The following PCDHGA6 variants were observed in gnomAD, a reference collection of about 807,000 sequenced individuals.
The protein encoded by PCDHGA6 is protocadherin gamma subfamily A, 6.
A neutral mutation model predicts 60.6 loss-of-function variants in PCDHGA6; 41 were observed. That is an observed-to-expected ratio of 0.68 (90% CI 0.53 to 0.88). The LOEUF (loss-of-function observed/expected upper bound fraction) is 0.88, where lower values mean the gene tolerates loss of function less well. Among genes scored for constraint, PCDHGA6 ranks in the 40% least tolerant of loss-of-function variants. The probability of loss-of-function intolerance (pLI) is 0.00; values close to 1 mark genes in which losing one functional copy is unlikely to be tolerated. For missense variants in PCDHGA6, 1,312 were observed against 1,203.0 expected, an observed-to-expected ratio of 1.09 and a Z score of -1.34; for synonymous variants, 594 against 524.4, an observed-to-expected ratio of 1.13 and a Z score of -1.81.
rs994324285 is a variant in PCDHGA6 at position 141,455,094 on chromosome 5, G to A, written c.2425-39713G>A. Among the ~76,000 whole-genome samples the A allele has an allele frequency of 3.3e-5, 5 of 152,104 alleles. No individual in the cohort carries two copies. In the Middle Eastern group the frequency reaches 0.014, roughly 414 times the overall value. ...CCCAAAGTGCTGGGATTACAGGCTT[G>A]AGCCACTGCGCCCGGTGGGTCTAAT... On this transcript the variant is annotated intron_variant, in intron 1 of 3. Coordinates refer to ENST00000517434, the MANE Select transcript of PCDHGA6 (RefSeq NM_018919.3).
chr5:141,419,209 G>A (rs541061354), intron 1 of PCDHGA6: 11 of 1,613,900 alleles, frequency 6.8e-6, no homozygotes, highest in South Asian at 5.5e-5. Context: ...ACAACGCGCC[G>A]GTTTTCGGAC....
In PCDHGA6 at chr5:141,383,270, T is replaced by C. The variant is rs373497176; in HGVS notation, c.2424+6763T>C. 25 of 1,613,746 alleles carry C rather than the reference T, an allele frequency of 1.5e-5. No homozygotes were observed. Among genetic ancestry groups the C allele is most frequent in the East Asian group, 1.1e-4 (5 of 44,896 alleles). On this transcript the variant is annotated intron_variant, in intron 1 of 3. Transcript: ENST00000517434. ...CTTTACCCTATAGACGTGGAAATAA[T>C]AGATATTAATGACAACGTTCCAAGA...
chr5:141,461,167 C>T (rs917796588), intron 1 of PCDHGA6, among the ~76,000 whole-genome samples: 2 of 151,968 alleles, frequency 1.3e-5, no homozygotes, highest in Non-Finnish European at 2.9e-5. Context: ...AGTGGGATTG[C>T]TGGATTGAAT....
rs181806844 is a variant in PCDHGA6 at position 141,445,046 on chromosome 5, G to T, written c.2425-49761G>T. Among the ~76,000 whole-genome samples the T allele has an allele frequency of 1.2e-4, 19 of 152,248 alleles. No individual in the cohort carries two copies. The East Asian group carries it at 3.7e-3, about 29-fold the overall frequency. ...TCAGCTATGTTGTATAGTTTTCAGT[G>T]TAGAGAGGTCATGTATATTTCTCAT... On this transcript the variant is annotated intron_variant, in intron 1 of 3. Transcript: ENST00000517434.
chr5:141,384,021 A>G (rs1779689462), intron 1 of PCDHGA6: 1 of 1,613,720 alleles, frequency 6.2e-7, no homozygotes, highest in African/African-American at 1.3e-5. Context: ...TACAAGACAG[A>G]GATTCTGGAA....
At chr5:141,492,834 G>T (rs544218873) in intron 1 of PCDHGA6, among the ~76,000 whole-genome samples, 36 of 152,332 alleles carry the variant, frequency 2.4e-4, no homozygotes, top group Non-Finnish European at 4.1e-4. Flanking sequence ...CCTTCCTCCC[G>T]CAGGAAGTGA....
chr5:141,410,774 C>G, intron 1 of PCDHGA6: 4 of 955,126 alleles, frequency 4.2e-6, no homozygotes, highest in Non-Finnish European at 5.8e-6. Context: ...ATAGTTTTCA[C>G]TATGTATTTG....
At chr5:141,501,716 A>G (rs2099810687) in intron 2 of PCDHGA6, among the ~76,000 whole-genome samples, 1 of 152,160 alleles carries the variant, frequency 6.6e-6, no homozygotes, top group African/African-American at 2.4e-5. Flanking sequence ...TAAAAAAGAC[A>G]AATATATTAC....
intron 1 of PCDHGA6, among the ~76,000 whole-genome samples, chr5:141,434,742 G>A (rs1177333213): frequency 6.6e-6 from 1 of 151,500 alleles, no homozygotes; most frequent in Non-Finnish European, 1.5e-5. Context: ...TGAAGGCTAT[G>A]AGACCCCTGA....
chr5:141,470,972 C>T (rs1186771156), intron 1 of PCDHGA6, among the ~76,000 whole-genome samples: 3 of 151,988 alleles, frequency 2.0e-5, no homozygotes, highest in Non-Finnish European at 4.4e-5. Flanking sequence ...CCACCTCAGC[C>T]TCCCAAAGTG....
rs1218451115 is a variant in PCDHGA6, at chr5:141,376,347, A to G, written c.2264A>G (p.His755Arg). ...GVRAFLQTYS[H>R]EVSLTADSRK... ...CGGGCTTTCCTGCAGACCTATTCCCACGAGGTCTCACTCACTGCAGACTCG... is the reference window on the plus strand; with the variant it reads ...CGGGCTTTCCTGCAGACCTATTCCCGCGAGGTCTCACTCACTGCAGACTCG... The change falls in exon 1 of 4, where the codon CAC (histidine) becomes CGC (arginine). Residue 755 changes from histidine (H) to arginine (R), a missense_variant. Transcript: ENST00000517434. The G allele has an allele frequency of 6.2e-7, 1 of 1,614,056 alleles. No homozygotes were observed. The highest frequency in any genetic ancestry group is 8.5e-7 in the Non-Finnish European group (1 of 1,180,044).
chr5:141,506,277 T>C (rs905595521), intron 3 of PCDHGA6, among the ~76,000 whole-genome samples: 1 of 152,050 alleles, frequency 6.6e-6, no homozygotes. Flanking sequence ...AGTGAAACCC[T>C]GTCTCTACTA....
At chr5:141,506,103 C>T (rs1001709380) in intron 3 of PCDHGA6, among the ~76,000 whole-genome samples, 2 of 152,144 alleles carry the variant, frequency 1.3e-5, no homozygotes, top group Admixed American at 1.3e-4. Context: ...GTGGTTGTCC[C>T]TGAAGAGTCA....
chr5:141,413,555 T>C (rs1270604020), intron 1 of PCDHGA6: 1 of 1,613,852 alleles, frequency 6.2e-7, no homozygotes. Flanking sequence ...GAAATAGAAG[T>C]AACTGATATC....
intron 1 of PCDHGA6, chr5:141,428,863 T>C (rs1160939898): frequency 6.7e-6 from 1 of 149,182 alleles, no homozygotes; most frequent in African/African-American, 2.4e-5. Context: ...CGGGAGACTT[T>C]TTTTTTTTTT....
chr5:141,429,379 T>G (rs573911129), intron 1 of PCDHGA6, among the ~76,000 whole-genome samples: 5 of 151,382 alleles, frequency 3.3e-5, no homozygotes, highest in East Asian at 1.9e-4. Context: ...GAAAATGTGT[T>G]TTTTTTTTAA....
chr5:141,393,214 A>G, intron 1 of PCDHGA6: 1 of 1,613,636 alleles, frequency 6.2e-7, no homozygotes, highest in East Asian at 2.2e-5. Flanking sequence ...CCAAAATTCC[A>G]GGTCGAAGAT....
intron 1 of PCDHGA6, among the ~76,000 whole-genome samples, chr5:141,438,039 C>T (rs1373700448): frequency 6.6e-6 from 1 of 152,024 alleles, no homozygotes; most frequent in Non-Finnish European, 1.5e-5. Flanking sequence ...CCATGCCCGA[C>T]CACTTTGAGT....
chr5:141,395,057 T>A (rs2093157144), intron 1 of PCDHGA6: 1 of 1,614,042 alleles, frequency 6.2e-7, no homozygotes, highest in Non-Finnish European at 8.5e-7. Context: ...AGGTACAGGC[T>A]TTCCTGCAGA....
Sources: gnomAD v4.1 joint callset for allele counts (sites outside exome capture counted in the v4.1 genomes callset) on GRCh38, gnomAD v4.1.1 for gene constraint, MANE v1.5 for transcripts, NCBI Gene and HGNC (gene_info 2026-07-23, HGNC 2026-07-21) for gene names.